The following DPP6 variants were observed in gnomAD, a reference collection of about 807,000 sequenced individuals.
The protein encoded by DPP6 is A-type potassium channel modulatory protein DPP6.
DPP6 carries 69 observed loss-of-function variants against 122.6 expected under a neutral mutation model. That is an observed-to-expected ratio of 0.56 (90% CI 0.46 to 0.69). The LOEUF is 0.69. Among genes scored for constraint, DPP6 ranks in the 30% least tolerant of loss-of-function variants. DPP6 has a pLI of 0.00. For synonymous variants in DPP6, 418 were observed against 433.1 expected (o/e 0.97, Z 0.43); for missense variants, 928 against 1,116.9 (o/e 0.83, Z 2.41).
intron 1 of DPP6, among the ~76,000 whole-genome samples, chr7:153,974,323 C>T (rs1169996022): frequency 2.0e-5 from 3 of 152,262 alleles, no homozygotes; most frequent in East Asian, 1.9e-4. Flanking sequence ...GCAACTCTCT[C>T]GTTTCCCATG....
chr7:153,974,723 A>G (rs1342610334), intron 1 of DPP6, among the ~76,000 whole-genome samples: 4 of 152,146 alleles, frequency 2.6e-5, no homozygotes, highest in South Asian at 2.1e-4. Context: ...ATCTAGTCTC[A>G]TTTCAGGGTC....
intron 1 of DPP6, among the ~76,000 whole-genome samples, chr7:154,164,494 A>G (rs1400159634): frequency 1.3e-5 from 2 of 152,096 alleles, no homozygotes; most frequent in South Asian, 2.1e-4. Context: ...CATAAAATCT[A>G]CCCTTTTAAA....
At chr7:154,006,062 T>C (rs986936164) in intron 1 of DPP6, among the ~76,000 whole-genome samples, 5 of 152,108 alleles carry the variant, frequency 3.3e-5, no homozygotes, top group African/African-American at 7.2e-5. Flanking sequence ...GGAACCCAAA[T>C]CTCAGTGGAG....
chr7:154,671,439 G>T (rs1179885819), intron 7 of DPP6, among the ~76,000 whole-genome samples: 1 of 152,170 alleles, frequency 6.6e-6, no homozygotes, highest in East Asian at 1.9e-4. Context: ...ACATGTCAAG[G>T]TCTCTTTCCA....
In DPP6 at chr7:154,875,563, G is replaced by A. The variant is rs192023435; in HGVS notation, c.1884-343G>A. On this transcript the variant is annotated intron_variant, in intron 19 of 25. Transcript: ENST00000377770. The surrounding 1 kb of genome is among the most constrained non-coding windows in gnomAD (Gnocchi z 4.5). ...GAACCCAGGAAAGAGAAACCTTCTT[G>A]CCGTGTAGGGAAGGTCCCCGCAGGG... Among the ~76,000 whole-genome samples the A allele has an allele frequency of 6.6e-6, 1 of 152,340 alleles. No homozygotes were observed. Among genetic ancestry groups the A allele is most frequent in the East Asian group, 1.9e-4 (1 of 5,170 alleles).
rs535107944 is a variant in DPP6, at chr7:154,892,575, C to A, written c.*95C>A. On this transcript the variant is annotated 3_prime_UTR_variant, in exon 26 of 26. Coordinates refer to ENST00000377770, the MANE Select transcript of DPP6 (RefSeq NM_130797.4). ...TCCCTCTTCCCTCGGAGGGGCGGGG[C>A]GGGGCGGGGCCGGGTGTTCCATAGC... 1.1e-5 allele frequency: 6 copies of A among 522,922 alleles called. No homozygotes were observed. Among genetic ancestry groups the A allele is most frequent in the Non-Finnish European group, 2.2e-5 (6 of 273,608 alleles). 32.4% of individuals were successfully genotyped at this position (522,922 alleles called of 1,614,324 possible).
In DPP6 at chr7:154,381,985, C is replaced by G. The variant is rs901329791; in HGVS notation, c.244-64229C>G. Among the ~76,000 whole-genome samples the G allele has an allele frequency of 5.3e-5, 8 of 152,024 alleles. 1 individual carries two copies. Among genetic ancestry groups the G allele is most frequent in the African/African-American group, 1.9e-4 (8 of 41,412 alleles). On this transcript the variant is annotated intron_variant, in intron 1 of 25. Transcript: ENST00000377770. The stretch of plus-strand genomic sequence containing the variant: ...TGCTGCAGGTAAATCTGGAGGACAG[C>G]TTGCGCCCAGGGAAATTACATGCAA...
chr7:154,304,801 A>C (rs1310500212), intron 1 of DPP6, among the ~76,000 whole-genome samples: 1 of 152,150 alleles, frequency 6.6e-6, no homozygotes, highest in Non-Finnish European at 1.5e-5. Context: ...CTTCCTTCTC[A>C]AACACGCATC....
At chr7:154,827,199 GACAC>G (rs113467683) in intron 16 of DPP6, among the ~76,000 whole-genome samples, 1 of 146,544 alleles carries the variant, frequency 6.8e-6, no homozygotes, top group Non-Finnish European at 1.5e-5. Context: ...CCCCCTCCCA[GACAC>G]ACACACACAC....
chr7:154,651,802 CCCTTGGGGCTTCCT>C (rs1394477565), intron 6 of DPP6, among the ~76,000 whole-genome samples: 2 of 152,152 alleles, frequency 1.3e-5, no homozygotes, highest in Non-Finnish European at 2.9e-5. Flanking sequence ...CCAACATCAC[CCCTTGGGGCTTCCT>C]CCAGCTGCGG....
chr7:153,995,225 A>G (rs1797366240), intron 1 of DPP6, among the ~76,000 whole-genome samples: 1 of 152,192 alleles, frequency 6.6e-6, no homozygotes, highest in African/African-American at 2.4e-5. Flanking sequence ...ATAAAAACAA[A>G]GCAGCCATTC....
chr7:154,572,329 A>G (rs1831160237), intron 5 of DPP6, among the ~76,000 whole-genome samples: 1 of 152,016 alleles, frequency 6.6e-6, no homozygotes, highest in African/African-American at 2.4e-5. Flanking sequence ...CTATGCACCC[A>G]TCTGGTCGAG....
At position 154,182,250 on chromosome 7, in the gene DPP6, G is replaced by A. The variant is rs555916502; in HGVS notation, c.243+129187G>A. Among the ~76,000 whole-genome samples, 151 of 152,224 alleles carry A rather than the reference G, an allele frequency of 9.9e-4. 2 individuals are homozygous for A. Among genetic ancestry groups the A allele is most frequent in the African/African-American group, 3.6e-3 (148 of 41,542 alleles). On this transcript the variant is annotated intron_variant, in intron 1 of 25. Transcript: ENST00000377770. ...GATTGCTAAGGGGGACAGAAATTAA[G>A]GCCATAACTCTACAAATTGTAACCA...
intron 2 of DPP6, among the ~76,000 whole-genome samples, chr7:154,452,517 T>C (rs12536201): frequency 0.13 from 20,011 of 152,238 alleles, 1,688 homozygotes; most frequent in East Asian, 0.31. Context: ...TAGTTAGAAA[T>C]TGTAATATGT....
At chr7:154,296,202 G>A (rs1020559495) in intron 1 of DPP6, among the ~76,000 whole-genome samples, 1 of 151,862 alleles carries the variant, frequency 6.6e-6, no homozygotes, top group African/African-American at 2.4e-5. Context: ...CCTCGGCCTC[G>A]CAAAGTGCTG....
In DPP6 at chr7:154,813,273, C is replaced by T. The variant is rs189348385; in HGVS notation, c.1666+6161C>T. Among the ~76,000 whole-genome samples the T allele has an allele frequency of 4.8e-3, 734 of 151,858 alleles. 3 individuals are homozygous for T. The highest frequency in any genetic ancestry group is 0.015 in the African/African-American group (607 of 41,410). Reference sequence around the variant, plus strand: ...TTTTTTTTTGTATTTTTATTAGAGACGGGTTTTCACTGTGTTAGCCAGGAT... The same window carrying T: ...TTTTTTTTTGTATTTTTATTAGAGATGGGTTTTCACTGTGTTAGCCAGGAT... On this transcript the variant is annotated intron_variant, in intron 16 of 25. Coordinates refer to ENST00000377770, the MANE Select transcript of DPP6 (RefSeq NM_130797.4).
chr7:153,920,563 C>CTTTTTTTTTT (rs61553100), intron 1 of DPP6, among the ~76,000 whole-genome samples: 1,525 of 88,508 alleles, frequency 0.017, 151 homozygotes, highest in African/African-American at 0.026. Flanking sequence ...TTATCTCTCT[C>CTTTTTTTTTT]TTTTTTTTTT....
chr7:154,554,588 T>C (rs1829880497), intron 4 of DPP6, among the ~76,000 whole-genome samples: 1 of 152,196 alleles, frequency 6.6e-6, no homozygotes, highest in Non-Finnish European at 1.5e-5. Flanking sequence ...ATGTATCTCC[T>C]CAGAAACATG....
intron 1 of DPP6, among the ~76,000 whole-genome samples, chr7:154,336,788 G>C (rs918942972): frequency 3.3e-5 from 5 of 152,132 alleles, no homozygotes; most frequent in African/African-American, 1.2e-4. Context: ...AGTGGTCGGA[G>C]TGGGGAAGAG....
Sources: allele counts gnomAD v4.1 joint callset (sites outside exome capture counted in the v4.1 genomes callset), GRCh38; gene constraint gnomAD v4.1.1; non-coding constraint Gnocchi (gnomAD v3.1); transcripts MANE v1.5; gene names NCBI Gene and HGNC (gene_info 2026-07-23, HGNC 2026-07-21).